MX1: variants seen among roughly 807,000 people sequenced by gnomAD.
The protein encoded by MX1 is MX dynamin like GTPase 1, also known as interferon-induced GTP-binding protein Mx1.
MX1 carries 66 observed loss-of-function variants against 66.4 expected under a neutral mutation model. That is an observed-to-expected ratio of 0.99 (90% confidence interval 0.82 to 1.22). The LOEUF is 1.22. MX1 is among the 50% of genes most tolerant of loss of function. The pLI is 0.00. For missense variants in MX1, 787 were observed against 834.3 expected (o/e 0.94, Z 0.70); for synonymous variants, 311 against 318.1 (o/e 0.98, Z 0.24).
chr21:41,447,078 G>C (rs1359420847), intron 13 of MX1, among the ~76,000 whole-genome samples: 1 of 152,158 alleles, frequency 6.6e-6, no homozygotes, highest in Non-Finnish European at 1.5e-5. Flanking sequence ...CACAGACTTG[G>C]GGGGGCTTAA....
Position 41,430,574 on chromosome 21 carries a change from G to A in MX1, c.-56G>A, listed in dbSNP as rs2090185037. ...GCTCTGTGATACCATTTAACTTGTT[G>A]ACATTACTTTTATTTGAAGGAACGT... is the stretch of plus-strand genomic sequence containing the variant. On this transcript the variant is annotated 5_prime_UTR_variant, in exon 4 of 17. Transcript: ENST00000398598. The A allele has an allele frequency of 2.6e-5, 4 of 152,084 alleles. No individual in the cohort carries two copies. The highest frequency in any genetic ancestry group is 2.6e-4 in the Admixed American group (4 of 15,266). 9.4% of individuals were successfully genotyped at this position (152,084 alleles called of 1,614,324 possible).
intron 15 of MX1, 95 bp from the exon 16 acceptor site, chr21:41,452,526 G>A: frequency 1.5e-6 from 2 of 1,376,604 alleles, no homozygotes; most frequent in Non-Finnish European, 2.0e-6. Context: ...CACTCACGTT[G>A]GGTAACCTGG....
At chr21:41,429,603 T>C (rs947627999) in intron 3 of MX1, 1 of 152,126 alleles carries the variant, frequency 6.6e-6, no homozygotes, top group Non-Finnish European at 1.5e-5. Context: ...AATTCCCAGA[T>C]TGTCAGACTC....
At chr21:41,440,286 C>G (rs953984259) in intron 8 of MX1, among the ~76,000 whole-genome samples, 1 of 152,076 alleles carries the variant, frequency 6.6e-6, no homozygotes, top group Non-Finnish European at 1.5e-5. Context: ...ATTCCTTGAG[C>G]CCAAGAGTTT....
Position 41,458,774 on chromosome 21 carries a change from C to T in MX1, c.*16C>T, listed in dbSNP as rs1038575207. 6.2e-6 allele frequency: 10 copies of T among 1,606,168 alleles called. No individual in the cohort carries two copies. The highest frequency in any genetic ancestry group is 2.3e-5 in the East Asian group (1 of 44,198). On this transcript the variant is annotated 3_prime_UTR_variant, in exon 17 of 17. Coordinates refer to ENST00000398598, the MANE Select transcript of MX1 (RefSeq NM_002462.5). ...CCCCGGTTAACCACACTCTGTCCAG[C>T]CCCGTAGACGTGCACGCACACTGTC...
chr21:41,441,989 G>T lies in MX1; in HGVS notation c.929+75G>T, dbSNP rs918565067. 1.7e-5 allele frequency: 25 copies of T among 1,479,590 alleles called. No homozygotes were observed. The highest frequency in any genetic ancestry group is 2.2e-5 in the Non-Finnish European group (23 of 1,061,036). The allele number at this position is 1,479,590 out of a possible 1,614,324, so 91.7% of individuals were successfully genotyped here. On this transcript the variant is annotated intron_variant, in intron 10 of 16. Coordinates refer to ENST00000398598, the MANE Select transcript of MX1 (RefSeq NM_002462.5). The surrounding 1 kb of genome is among the most constrained non-coding windows in gnomAD (Gnocchi z 4.0). ...GGCCTTCCAGGGGACAGTGGCAGCC[G>T]TCCCACAGATGTGTGGAGTGTGTGT...
intron 5 of MX1, among the ~76,000 whole-genome samples, chr21:41,433,992 A>G (rs532451542): frequency 6.6e-6 from 1 of 152,348 alleles, no homozygotes; most frequent in Admixed American, 6.5e-5. Flanking sequence ...CTTGGTTGTC[A>G]CAACTCAGGG....
chr21:41,450,527 C>T (rs1005135258), intron 14 of MX1, among the ~76,000 whole-genome samples: 7 of 152,128 alleles, frequency 4.6e-5, no homozygotes, highest in African/African-American at 1.4e-4. Flanking sequence ...CCAAAACCTG[C>T]AATCATGTTG....
In MX1 at chr21:41,441,417, A is replaced by T. The variant is rs1175518287; in HGVS notation, c.731-299A>T. ...GGTACTCATTAAGAATGCATTTGAGATGGGATGTCCATAACTCAAGGGATA... is the reference window on the plus strand; with the variant it reads ...GGTACTCATTAAGAATGCATTTGAGTTGGGATGTCCATAACTCAAGGGATA... On this transcript the variant is annotated intron_variant, in intron 9 of 16. Coordinates refer to ENST00000398598, the MANE Select transcript of MX1 (RefSeq NM_002462.5). The surrounding 1 kb of genome is among the most constrained non-coding windows in gnomAD (Gnocchi z 4.0). The T allele has an allele frequency of 1.2e-5, 6 of 489,550 alleles. No homozygotes were observed. Among genetic ancestry groups the T allele is most frequent in the Non-Finnish European group, 2.3e-5 (6 of 266,432 alleles). The allele number at this position is 489,550 out of a possible 1,614,324, so 30.3% of individuals were successfully genotyped here. A position where few individuals can be genotyped will look rare whatever the true frequency, so the allele number is the denominator to read the frequency against.
Position 41,443,842 on chromosome 21 carries a change from C to T in MX1, c.984C>T (p.Thr328=), listed in dbSNP as rs2090584210. 1.2e-6 allele frequency: 2 copies of T among 1,614,232 alleles called. No homozygotes were observed. The highest frequency in any genetic ancestry group is 1.7e-5 in the Admixed American group (1 of 60,022). ...ATVPCLAEKL[T]SELITHICKS... The stretch of plus-strand genomic sequence containing the variant: ...TTCCCTGCCTGGCAGAAAAACTTAC[C>T]AGCGAGCTCATCACACATATCTGTG... Residue 328 remains threonine, a synonymous_variant, in exon 11 of 17, where the codon ACC becomes ACT. Coordinates refer to ENST00000398598, the MANE Select transcript of MX1 (RefSeq NM_002462.5).
chr21:41,440,504 C>A (rs2090477385), intron 8 of MX1, among the ~76,000 whole-genome samples: 1 of 152,122 alleles, frequency 6.6e-6, no homozygotes, highest in Non-Finnish European at 1.5e-5. Flanking sequence ...ACAAAACAAG[C>A]AAGAAAGAAA....
At chr21:41,443,565 T>G in intron 10 of MX1, 1 of 564,742 alleles carries the variant, frequency 1.8e-6, no homozygotes. Flanking sequence ...TTATATCAGC[T>G]GGAAGAGCTC....
At chr21:41,431,766 G>T (rs1245132649) in intron 4 of MX1, 5 of 302,980 alleles carry the variant, frequency 1.7e-5, no homozygotes, top group Non-Finnish European at 6.3e-6. Flanking sequence ...GAGCCCCGGG[G>T]CCCGGCCTGG....
rs761233465 is a variant in MX1, at chr21:41,445,470, A to G, written c.1031A>G (p.Asn344Ser). 6.2e-7 allele frequency: 1 copy of G among 1,614,000 alleles called. No individual in the cohort carries two copies. The highest frequency in any genetic ancestry group is 1.3e-5 in the African/African-American group (1 of 74,922). The stretch of plus-strand genomic sequence containing the variant: ...CAGAAATCTCTGCCCCTGTTAGAAA[A>G]TCAAATCAAGGAGACTCACCAGAGA... Reference protein sequence around the residue: ...HICKSLPLLENQIKETHQRIT... With the variant: ...HICKSLPLLESQIKETHQRIT... Residue 344 changes from asparagine to serine, a missense_variant, in exon 12 of 17, where the codon AAT (asparagine) becomes AGT (serine). Transcript: ENST00000398598.
In MX1 at chr21:41,452,776, G is replaced by C; in HGVS notation, c.1665G>C (p.Lys555Asn). 1 of 1,614,166 alleles carries C rather than the reference G, an allele frequency of 6.2e-7. No individual in the cohort carries two copies. Among genetic ancestry groups the C allele is most frequent in the East Asian group, 2.2e-5 (1 of 44,878 alleles). Residue 555 changes from lysine to asparagine, a missense_variant, in exon 16 of 17, where the codon AAG becomes AAC. Lys to Asn is a moderately conservative substitution (Grantham distance 94, BLOSUM62 0). Transcript: ENST00000398598. ...AGAAGGAGCTGGAAGAAGAAAAGAA[G>C]AAGAAATCCTGGGATTTTGGGGCTT... is the stretch of plus-strand genomic sequence containing the variant. ...VREKELEEEKKKKSWDFGAFQ... is the reference protein window; with the variant it reads ...VREKELEEEKNKKSWDFGAFQ...
upstream of MX1, among the ~76,000 whole-genome samples, chr21:41,423,689 A>G (rs539642277): frequency 1.2e-4 from 19 of 152,258 alleles, 1 homozygote; most frequent in South Asian, 2.9e-3. Flanking sequence ...TGCTCAGTAG[A>G]CAGGAGCTAT....
intron 6 of MX1, 61 bp from the exon 7 acceptor site, chr21:41,436,954 A>G: frequency 1.3e-6 from 2 of 1,589,186 alleles, no homozygotes; most frequent in East Asian, 2.2e-5. Context: ...CCATGGGCCT[A>G]AGGCGCTATG....
chr21:41,431,794 G>A (rs11702024), intron 4 of MX1: 10,506 of 385,414 alleles, frequency 0.027, 598 homozygotes, highest in African/African-American at 0.15. Context: ...TTCTTGAAGC[G>A]CCTTGAGCAG....
At chr21:41,436,727 C>A (rs2090372852) in intron 6 of MX1, among the ~76,000 whole-genome samples, 1 of 152,128 alleles carries the variant, frequency 6.6e-6, no homozygotes, top group Admixed American at 6.5e-5. Context: ...ATGTGGTCTG[C>A]CACCTGAGCT....
Sources: allele counts gnomAD v4.1 joint callset (sites outside exome capture counted in the v4.1 genomes callset), GRCh38; gene constraint gnomAD v4.1.1; non-coding constraint Gnocchi (gnomAD v3.1); transcripts MANE v1.5; gene names NCBI Gene and HGNC (gene_info 2026-07-23, HGNC 2026-07-21).